Variants in HPSE2 observed in about 807,000 individuals in gnomAD.
HPSE2 encodes the protein inactive heparanase-2.
A neutral mutation model predicts 60.5 loss-of-function variants in HPSE2; 38 were observed. That is an observed-to-expected ratio of 0.63 (90% CI 0.48 to 0.82). The LOEUF is 0.82. HPSE2 is among the 40% of genes least tolerant of loss of function. HPSE2 has a pLI of 0.00. For synonymous variants in HPSE2, 295 were observed against 293.2 expected (o/e 1.01, Z -0.06); for missense variants, 713 against 740.4 (o/e 0.96, Z 0.43).
intron 3 of HPSE2, among the ~76,000 whole-genome samples, chr10:98,852,303 C>T (rs1231605929): frequency 1.3e-5 from 2 of 152,044 alleles, no homozygotes; most frequent in African/African-American, 4.8e-5. Flanking sequence ...CACCTGCTAC[C>T]TTTTCTGCCC....
At chr10:98,688,019 CTCTT>C (rs547113879) in intron 6 of HPSE2, among the ~76,000 whole-genome samples, 115 of 152,110 alleles carry the variant, frequency 7.6e-4, no homozygotes, top group African/African-American at 2.6e-3. Flanking sequence ...TTTTGTTCCT[CTCTT>C]TCTCCTTGCT....
chr10:98,804,263 A>C (rs1225157798), intron 3 of HPSE2, among the ~76,000 whole-genome samples: 1 of 152,114 alleles, frequency 6.6e-6, no homozygotes, highest in African/African-American at 2.4e-5. Context: ...AGGCAACCAA[A>C]GCAAAAATGG....
the HPSE2 span, among the ~76,000 whole-genome samples, chr10:99,302,040 C>T: frequency 1.3e-5 from 2 of 151,894 alleles, no homozygotes; most frequent in African/African-American, 4.8e-5. Context: ...TGAGCCCCTG[C>T]CTAATCCTGA....
At chr10:98,722,643 T>C (rs2134253582) in intron 4 of HPSE2, among the ~76,000 whole-genome samples, 1 of 152,306 alleles carries the variant, frequency 6.6e-6, no homozygotes, top group African/African-American at 2.4e-5. Context: ...GAAGTAATTT[T>C]GAGCAAAGCC....
intron 9 of HPSE2, among the ~76,000 whole-genome samples, chr10:98,534,960 T>C (rs1943237650): frequency 8.2e-6 from 1 of 121,884 alleles, no homozygotes; most frequent in African/African-American, 2.5e-5. Context: ...GATAAAAAGT[T>C]AGCATGTTAC....
chr10:98,890,255 A>C (rs1181046500), intron 3 of HPSE2, among the ~76,000 whole-genome samples: 2 of 152,192 alleles, frequency 1.3e-5, no homozygotes, highest in Non-Finnish European at 2.9e-5. Flanking sequence ...TATAAGAAAA[A>C]ACAAAGGTAC....
In HPSE2 at chr10:98,903,005, A is replaced by G. The variant is rs140789766; in HGVS notation, c.611-158949T>C. Among the ~76,000 whole-genome samples the G allele has an allele frequency of 2.7e-3, 414 of 152,284 alleles. 1 individual carries two copies. The highest frequency in any genetic ancestry group is 9.7e-3 in the African/African-American group (404 of 41,580). On this transcript the variant is annotated intron_variant, in intron 3 of 11. Transcript: ENST00000370552. Reference sequence around the variant, plus strand: ...TATAGCAGTATTATTCATAATAGCTAAAAGAGAGAAATAATCTAAATGTCC... The same window carrying G: ...TATAGCAGTATTATTCATAATAGCTGAAAGAGAGAAATAATCTAAATGTCC...
intron 3 of HPSE2, among the ~76,000 whole-genome samples, chr10:99,015,743 C>T (rs1354249184): frequency 6.6e-6 from 1 of 152,120 alleles, no homozygotes; most frequent in Non-Finnish European, 1.5e-5. Flanking sequence ...GGGTGCAGCA[C>T]ACCAACATGG....
At chr10:98,811,441 T>C (rs1403556883) in intron 3 of HPSE2, among the ~76,000 whole-genome samples, 2 of 152,154 alleles carry the variant, frequency 1.3e-5, no homozygotes, top group Non-Finnish European at 1.5e-5. Flanking sequence ...AATAAATATT[T>C]GTAGAATTAA....
chr10:99,177,231 C>T (rs960060813), intron 2 of HPSE2, among the ~76,000 whole-genome samples: 1 of 151,240 alleles, frequency 6.6e-6, no homozygotes. Flanking sequence ...AAAAAAAAAA[C>T]AGCTAACATC....
At chr10:98,812,677 G>C (rs1164419852) in intron 3 of HPSE2, among the ~76,000 whole-genome samples, 1 of 152,018 alleles carries the variant, frequency 6.6e-6, no homozygotes, top group Non-Finnish European at 1.5e-5. Flanking sequence ...TGTGGCACTG[G>C]CCACATTTCA....
chr10:98,817,234 G>A (rs1039493218), intron 3 of HPSE2, among the ~76,000 whole-genome samples: 10 of 151,956 alleles, frequency 6.6e-5, no homozygotes, highest in Admixed American at 1.3e-4. Flanking sequence ...TATAAGTTTC[G>A]GATTCTTTAA....
chr10:98,731,122 T>G (rs566780342), intron 4 of HPSE2, among the ~76,000 whole-genome samples: 1 of 152,156 alleles, frequency 6.6e-6, no homozygotes, highest in East Asian at 1.9e-4. Context: ...CCGTCTCTAC[T>G]AAAAATACAA....
At chr10:99,075,490 A>G (rs529851650) in intron 3 of HPSE2, among the ~76,000 whole-genome samples, 84 of 152,258 alleles carry the variant, frequency 5.5e-4, no homozygotes, top group Non-Finnish European at 9.3e-4. Context: ...TGAGAAAAAT[A>G]TATATTCCTC....
intron 6 of HPSE2, among the ~76,000 whole-genome samples, chr10:98,671,268 C>T (rs1947499422): frequency 6.6e-6 from 1 of 152,074 alleles, no homozygotes; most frequent in African/African-American, 2.4e-5. Flanking sequence ...GGGGACTTAC[C>T]CCACTGTAAA....
intron 3 of HPSE2, among the ~76,000 whole-genome samples, chr10:99,088,608 T>A (rs1843407267): frequency 6.6e-6 from 1 of 152,224 alleles, no homozygotes; most frequent in Non-Finnish European, 1.5e-5. Context: ...CATAGATTGA[T>A]GGGCATTTGG....
intron 3 of HPSE2, among the ~76,000 whole-genome samples, chr10:98,813,222 A>G (rs1474677368): frequency 6.6e-6 from 1 of 152,200 alleles, no homozygotes; most frequent in Non-Finnish European, 1.5e-5. Flanking sequence ...TATCACTCAT[A>G]GCAAGATCTG....
At chr10:98,742,792 TACACACAC>T (rs71009713) in intron 4 of HPSE2, among the ~76,000 whole-genome samples, 2 of 147,240 alleles carry the variant, frequency 1.4e-5, no homozygotes, top group African/African-American at 5.0e-5. Context: ...CACACATACA[TACACACAC>T]ACACACACAC....
At chr10:98,987,397 A>G (rs1024378512) in intron 3 of HPSE2, among the ~76,000 whole-genome samples, 2 of 152,204 alleles carry the variant, frequency 1.3e-5, no homozygotes, top group Non-Finnish European at 2.9e-5. Flanking sequence ...GACAAAAACC[A>G]CATGATTATC....
Sources: allele counts gnomAD v4.1 joint callset (sites outside exome capture counted in the v4.1 genomes callset), GRCh38; gene constraint gnomAD v4.1.1; transcripts MANE v1.5; gene names NCBI Gene and HGNC (gene_info 2026-07-23, HGNC 2026-07-21).